Variants in CERT1 observed in about 807,000 individuals in gnomAD.
The protein encoded by CERT1 is ceramide transfer protein.
A neutral mutation model predicts 87.9 loss-of-function variants in CERT1; 31 were observed. The observed-to-expected ratio is 0.35, with a 90% CI of 0.27 to 0.48. CERT1 has a LOEUF of 0.48. Among genes scored for constraint, CERT1 ranks in the 20% least tolerant of loss-of-function variants. The probability of loss-of-function intolerance (pLI) is 0.99; values close to 1 mark genes in which losing one functional copy is unlikely to be tolerated. For missense variants in CERT1, 487 were observed against 758.0 expected, an observed-to-expected ratio of 0.64 and a Z score of 4.20; for synonymous variants, 289 against 250.9, an observed-to-expected ratio of 1.15 and a Z score of -1.44.
Position 75,485,898 on chromosome 5 carries a change from G to A in CERT1, c.231+20084C>T, listed in dbSNP as rs78020874. 2.1e-3 allele frequency among the ~76,000 whole-genome samples: 317 copies of A among 152,202 alleles called. 1 individual carries two copies. In the East Asian group the frequency reaches 0.027, roughly 13 times the overall value. ...TCAGCAAAGAAAAGCCTGAGACCCA[G>A]TGGCTTCACTGTTGAACGTTACTGA... is the stretch of plus-strand genomic sequence containing the variant. On this transcript the variant is annotated intron_variant, in intron 2 of 16. Transcript: ENST00000643780.
downstream of CERT1, chr5:75,374,397 T>C (rs1761205511): frequency 1.8e-6 from 1 of 560,506 alleles, no homozygotes; most frequent in South Asian, 2.4e-5. Flanking sequence ...ATCAAAGGTA[T>C]ATGGAATTTT....
intron 3 of CERT1, among the ~76,000 whole-genome samples, chr5:75,430,764 G>A (rs565607689): frequency 6.6e-6 from 1 of 152,214 alleles, no homozygotes; most frequent in East Asian, 1.9e-4. Context: ...TTGATTAGGT[G>A]CAGTGGCTCA....
At chr5:75,459,230 G>A (rs772750801) in intron 2 of CERT1, 49 bp from the exon 3 acceptor site, 7 of 1,161,326 alleles carry the variant, frequency 6.0e-6, no homozygotes, top group Non-Finnish European at 7.8e-6. Context: ...TATATCCTTA[G>A]AAGTGTTACA....
At chr5:75,422,347 G>A (rs146741748) in intron 5 of CERT1, among the ~76,000 whole-genome samples, 2,341 of 152,280 alleles carry the variant, frequency 0.015, 64 homozygotes, top group African/African-American at 0.053. Flanking sequence ...TGGGCGTGGT[G>A]GCTTATGCCT....
intron 3 of CERT1, among the ~76,000 whole-genome samples, chr5:75,428,281 G>A (rs757163457): frequency 1.3e-5 from 2 of 151,472 alleles, no homozygotes; most frequent in Non-Finnish European, 2.9e-5. Context: ...TAGGATCTCG[G>A]AGCTCCTGGA....
At chr5:75,488,076 G>C (rs918994454) in intron 2 of CERT1, among the ~76,000 whole-genome samples, 1 of 151,962 alleles carries the variant, frequency 6.6e-6, no homozygotes, top group East Asian at 1.9e-4. Context: ...GAGGGAGGGA[G>C]TGTGGAGGGT....
At chr5:75,398,975 C>A (rs1025851377) in intron 11 of CERT1, among the ~76,000 whole-genome samples, 5 of 152,150 alleles carry the variant, frequency 3.3e-5, no homozygotes, top group Admixed American at 2.0e-4. Flanking sequence ...ATCATATAGA[C>A]CACGTCCATC....
chr5:75,425,279 T>G (rs1763566442), intron 5 of CERT1, 82 bp downstream of exon 5: 7 of 1,378,406 alleles, frequency 5.1e-6, no homozygotes, highest in Non-Finnish European at 7.0e-6. Flanking sequence ...CCTTTATCAC[T>G]TAAAGACATT....
chr5:75,478,675 T>C (rs761984139), intron 2 of CERT1, among the ~76,000 whole-genome samples: 3 of 151,964 alleles, frequency 2.0e-5, no homozygotes, highest in African/African-American at 7.3e-5. Context: ...ATATGTTGAA[T>C]TGAAAGAACC....
At chr5:75,461,494 A>C (rs1471608094) in intron 2 of CERT1, among the ~76,000 whole-genome samples, 1 of 152,160 alleles carries the variant, frequency 6.6e-6, no homozygotes, top group Non-Finnish European at 1.5e-5. Context: ...AATAAAGTAA[A>C]GCAGATGATC....
In CERT1 at chr5:75,400,277, T is replaced by C. The variant is rs757481000; in HGVS notation, c.1038A>G (p.Arg346=). ...IEEQSQSEKV[R]LHWPTSLPSG... is the part of the protein sequence containing the mutation. ...AGGGCAAGGATGTAGGCCAATGTAA[T>C]CTCACCTTTTCACTCTGTGACTAAA... The change falls in exon 10 of 17, where the codon AGA becomes AGG. Residue 346 remains arginine, a synonymous_variant. Transcript: ENST00000643780. 1.2e-6 allele frequency: 2 copies of C among 1,612,968 alleles called. No homozygotes were observed. The highest frequency in any genetic ancestry group is 1.7e-6 in the Non-Finnish European group (2 of 1,178,986).
chr5:75,434,804 T>C (rs1764021235), intron 3 of CERT1, among the ~76,000 whole-genome samples: 1 of 152,084 alleles, frequency 6.6e-6, no homozygotes, highest in African/African-American at 2.4e-5. Context: ...TCTCTGAGGG[T>C]TTTTTGTATT....
chr5:75,481,139 C>T (rs1055067853), intron 2 of CERT1, among the ~76,000 whole-genome samples: 1 of 152,202 alleles, frequency 6.6e-6, no homozygotes, highest in African/African-American at 2.4e-5. Context: ...TACCACTTTG[C>T]TTTCCCCGTG....
chr5:75,374,569 T>C, downstream of CERT1: 1 of 710,610 alleles, frequency 1.4e-6, no homozygotes, highest in Admixed American at 1.7e-5. Context: ...GACAAGGCCA[T>C]TAAGAAATTC....
At chr5:75,442,849 T>C (rs1393274915) in intron 3 of CERT1, among the ~76,000 whole-genome samples, 3 of 152,186 alleles carry the variant, frequency 2.0e-5, no homozygotes, top group Non-Finnish European at 4.4e-5. Context: ...ACTTTTACTA[T>C]AGTATACGTT....
downstream of CERT1, chr5:75,374,429 G>A (rs760846418): frequency 2.0e-5 from 11 of 563,796 alleles, no homozygotes; most frequent in East Asian, 1.7e-4. Flanking sequence ...AAAAAAAAAC[G>A]GGAACAGTCC....
At chr5:75,492,815 A>G (rs1014477127) in intron 2 of CERT1, among the ~76,000 whole-genome samples, 4 of 152,236 alleles carry the variant, frequency 2.6e-5, no homozygotes, top group Non-Finnish European at 5.9e-5. Flanking sequence ...AACACCAGTC[A>G]TGTCCATTCT....
intron 8 of CERT1, among the ~76,000 whole-genome samples, chr5:75,404,931 T>C (rs1762644779): frequency 1.3e-5 from 2 of 152,010 alleles, no homozygotes; most frequent in Admixed American, 1.3e-4. Context: ...TGCTTGAACC[T>C]GGGAGGCGGA....
chr5:75,497,645 G>T (rs187386401), intron 2 of CERT1, among the ~76,000 whole-genome samples: 1 of 151,904 alleles, frequency 6.6e-6, no homozygotes, highest in African/African-American at 2.4e-5. Context: ...TTTTCCTGCC[G>T]CCCTGTTAAG....
Sources: gnomAD v4.1 joint callset for allele counts (sites outside exome capture counted in the v4.1 genomes callset) on GRCh38, gnomAD v4.1.1 for gene constraint, MANE v1.5 for transcripts, NCBI Gene and HGNC (gene_info 2026-07-23, HGNC 2026-07-21) for gene names.